The following SCNN1B variants were observed in gnomAD, a reference collection of about 807,000 sequenced individuals.
SCNN1B encodes sodium channel epithelial 1 subunit beta.
Under a neutral mutation model 65.3 loss-of-function variants are expected in SCNN1B, and 46 were observed. That is an observed-to-expected ratio of 0.70 (90% CI 0.56 to 0.90). The LOEUF (loss-of-function observed/expected upper bound fraction) is 0.90, where lower values mean the gene tolerates loss of function less well. Among genes scored for constraint, SCNN1B ranks in the 40% least tolerant of loss-of-function variants. The probability of loss-of-function intolerance (pLI) is 0.00; values close to 1 mark genes in which losing one functional copy is unlikely to be tolerated. For missense variants in SCNN1B, 751 were observed against 830.5 expected (o/e 0.90, Z 1.18); for synonymous variants, 349 against 330.6 (o/e 1.06, Z -0.60).
At chr16:23,360,201 A>AAAATAAAAAAAAAAAT (rs1555488434) in intron 4 of SCNN1B, among the ~76,000 whole-genome samples, 1 of 132,752 alleles carries the variant, frequency 7.5e-6, no homozygotes, top group Non-Finnish European at 1.7e-5. Context: ...CCATCTCAAA[A>AAAATAAAAAAAAAAAT]AAATAAATAA....
chr16:23,380,588 C>G lies in SCNN1B; in HGVS notation c.1710C>G (p.Ser570Arg). ...KSLRQRRAQA[S>R]YAGPPPTVAE... ...TACGGCAGCGGCGAGCCCAAGCCAG[C>G]TACGCTGGCCCACCGCCCACCGTGG... Residue 570 changes from serine to arginine, a missense_variant, in exon 13 of 13, where the codon AGC becomes AGG. Physicochemically the swap from Ser to Arg is moderately radical, Grantham distance 110 (BLOSUM62 -1). Transcript: ENST00000343070. This position sits in a 1 kb window ranked among gnomAD's most constrained non-coding sequence, Gnocchi z 5.4. 1 of 1,614,140 alleles carries G rather than the reference C, an allele frequency of 6.2e-7. No homozygotes were observed.
chr16:23,353,112 C>T lies in SCNN1B; in HGVS notation c.585+38C>T, dbSNP rs1307653452. 9.3e-6 allele frequency: 15 copies of T among 1,609,682 alleles called. No homozygotes were observed. The African/African-American group carries it at 1.7e-4, about 19-fold the overall frequency. On this transcript the variant is annotated intron_variant, in intron 3 of 12. Coordinates refer to ENST00000343070, the MANE Select transcript of SCNN1B (RefSeq NM_000336.3). ...TGGGCACATATCAAGCAATGGGCCC[C>T]ACCCAGTGAGGCTGATGGGTGTTTC...
At chr16:23,325,379 G>T (rs1467284714) in intron 1 of SCNN1B, among the ~76,000 whole-genome samples, 3 of 151,898 alleles carry the variant, frequency 2.0e-5, no homozygotes, top group Non-Finnish European at 4.4e-5. Context: ...TGACTCTCCT[G>T]CCTCAGCCTC....
At chr16:23,322,676 TTAATA>T (rs990387140) in intron 1 of SCNN1B, among the ~76,000 whole-genome samples, 11 of 152,220 alleles carry the variant, frequency 7.2e-5, no homozygotes, top group African/African-American at 2.7e-4. Context: ...ACTAATTTTA[TTAATA>T]TATTTCATTG....
chr16:23,288,185 G>T (rs1468712736), intron 2 of SCNN1B, among the ~76,000 whole-genome samples: 1 of 151,912 alleles, frequency 6.6e-6, no homozygotes, highest in South Asian at 2.1e-4. Flanking sequence ...AAGTTGCAAA[G>T]TATGGATTTT....
At chr16:23,328,884 C>T (rs909874310) in intron 1 of SCNN1B, among the ~76,000 whole-genome samples, 7 of 148,488 alleles carry the variant, frequency 4.7e-5, no homozygotes, top group African/African-American at 1.7e-4. Flanking sequence ...CAGCCTTGAA[C>T]TCCTGGACTC....
chr16:23,308,037 C>A (rs559465414), intron 1 of SCNN1B, among the ~76,000 whole-genome samples: 2 of 151,320 alleles, frequency 1.3e-5, no homozygotes, highest in South Asian at 4.2e-4. Flanking sequence ...AGAGAGAGAC[C>A]TTTTCTCAAA....
At chr16:23,318,307 A>C (rs1961514619) in intron 1 of SCNN1B, among the ~76,000 whole-genome samples, 1 of 152,118 alleles carries the variant, frequency 6.6e-6, no homozygotes, top group Non-Finnish European at 1.5e-5. Flanking sequence ...CGTCTAAAAA[A>C]CAGGTGTATA....
chr16:23,367,983 C>T (rs1334099848), intron 5 of SCNN1B, 24 bp downstream of exon 5: 17 of 1,555,782 alleles, frequency 1.1e-5, no homozygotes, highest in Non-Finnish European at 1.5e-5. Flanking sequence ...TATCGTGGGG[C>T]CAGAGCCATG....
At chr16:23,286,834 G>A (rs1056096410) in intron 2 of SCNN1B, among the ~76,000 whole-genome samples, 1 of 152,138 alleles carries the variant, frequency 6.6e-6, no homozygotes, top group African/African-American at 2.4e-5. Flanking sequence ...GCTCACACAT[G>A]TAATCCCAGC....
chr16:23,294,560 A>G (rs1227281414), intron 2 of SCNN1B, among the ~76,000 whole-genome samples: 4 of 149,580 alleles, frequency 2.7e-5, no homozygotes, highest in African/African-American at 9.9e-5. Flanking sequence ...AAACACACCC[A>G]GCACACACCC....
At chr16:23,360,201 A>AAAAAAAAATAAATAAAT (rs1555488432) in intron 4 of SCNN1B, among the ~76,000 whole-genome samples, 3 of 132,752 alleles carry the variant, frequency 2.3e-5, no homozygotes, top group Non-Finnish European at 5.0e-5. Flanking sequence ...CCATCTCAAA[A>AAAAAAAAATAAATAAAT]AAATAAATAA....
intron 1 of SCNN1B, among the ~76,000 whole-genome samples, chr16:23,322,450 C>G (rs1961608628): frequency 6.6e-6 from 1 of 151,524 alleles, no homozygotes; most frequent in Non-Finnish European, 1.5e-5. Context: ...TAGGTGCACA[C>G]CACCATGCTT....
chr16:23,371,557 G>A, intron 6 of SCNN1B, 95 bp downstream of exon 6: 1 of 1,322,246 alleles, frequency 7.6e-7, no homozygotes, highest in Non-Finnish European at 1.1e-6. Flanking sequence ...GAGGGGATCT[G>A]GGCCCCCCAG....
rs570723728 is a variant in SCNN1B at position 23,312,861 on chromosome 16, A to G, written c.-9+10424A>G. The stretch of plus-strand genomic sequence containing the variant: ...CCCACTGGGCAGATTCCCCTCCCCA[A>G]CCCTCACAGAAAGCAGAACCTGGTG... On this transcript the variant is annotated intron_variant, in intron 1 of 12. Coordinates refer to ENST00000343070, the MANE Select transcript of SCNN1B (RefSeq NM_000336.3). 1.9e-4 allele frequency among the ~76,000 whole-genome samples: 29 copies of G among 151,960 alleles called. 1 individual carries two copies. The South Asian group carries it at 5.6e-3, about 29-fold the overall frequency.
In SCNN1B at chr16:23,367,864, C is replaced by T; in HGVS notation, c.785C>T (p.Thr262Met). 3.1e-6 allele frequency: 5 copies of T among 1,613,486 alleles called. No individual in the cohort carries two copies. The highest frequency in any genetic ancestry group is 4.2e-6 in the Non-Finnish European group (5 of 1,179,382). ...GAEPCNYRNF[T>M]SIFYPHYGNC... is the part of the protein sequence containing the mutation. ...GATGCTGTTTCTTTTAGGAACTTCA[C>T]GTCCATCTTCTACCCTCACTATGGC... The change falls in exon 5 of 13, where the codon ACG becomes ATG. Residue 262 changes from threonine to methionine, a missense_variant. Physicochemically the swap from Thr to Met is moderately conservative, Grantham distance 81. Transcript: ENST00000343070.
intron 3 of SCNN1B, among the ~76,000 whole-genome samples, chr16:23,355,050 C>T (rs1962388816): frequency 6.6e-6 from 1 of 152,158 alleles, no homozygotes; most frequent in African/African-American, 2.4e-5. Flanking sequence ...TCCCAGGCCT[C>T]ACCCTCAGCA....
chr16:23,354,362 G>A (rs1454948846), intron 3 of SCNN1B, among the ~76,000 whole-genome samples: 3 of 152,276 alleles, frequency 2.0e-5, no homozygotes, highest in African/African-American at 7.2e-5. Flanking sequence ...CTGGCCGGGC[G>A]TGTTGGGAAG....
intron 5 of SCNN1B, among the ~76,000 whole-genome samples, chr16:23,369,007 T>C (rs1962729175): frequency 6.6e-6 from 1 of 152,178 alleles, no homozygotes; most frequent in Admixed American, 6.5e-5. Context: ...AATAATTCCA[T>C]GTAACAAAAC....
Sources: allele counts gnomAD v4.1 joint callset (sites outside exome capture counted in the v4.1 genomes callset), GRCh38; gene constraint gnomAD v4.1.1; non-coding constraint Gnocchi (gnomAD v3.1); transcripts MANE v1.5; gene names NCBI Gene and HGNC (gene_info 2026-07-23, HGNC 2026-07-21).